Variants in THSD7A observed in about 807,000 individuals in gnomAD.
THSD7A encodes thrombospondin type-1 domain-containing protein 7A.
THSD7A carries 96 observed loss-of-function variants against 231.3 expected under a neutral mutation model. The observed-to-expected ratio is 0.41, with a 90% confidence interval of 0.35 to 0.49. The LOEUF is 0.49. Among genes scored for constraint, THSD7A ranks in the 20% least tolerant of loss-of-function variants. The pLI is 0.05. For synonymous variants in THSD7A, 940 were observed against 743.3 expected (o/e 1.26, Z -4.30); for missense variants, 2,290 against 2,070.2 (o/e 1.11, Z -2.06).
intron 13 of THSD7A, among the ~76,000 whole-genome samples, chr7:11,442,495 T>C (rs1441814146): frequency 6.6e-6 from 1 of 152,008 alleles, no homozygotes; most frequent in African/African-American, 2.4e-5. Context: ...TGTCTTTAAA[T>C]TGAAAGCTGG....
chr7:11,464,997 T>C (rs1355379721), intron 9 of THSD7A, among the ~76,000 whole-genome samples: 1 of 152,178 alleles, frequency 6.6e-6, no homozygotes, highest in Non-Finnish European at 1.5e-5. Flanking sequence ...AGTTTCATCA[T>C]TAATAACTTG....
intron 16 of THSD7A, among the ~76,000 whole-genome samples, chr7:11,418,549 C>T (rs926074168): frequency 3.9e-5 from 6 of 152,200 alleles, no homozygotes; most frequent in Admixed American, 1.3e-4. Flanking sequence ...AAGGCTTGAA[C>T]TCTCAAGTCT....
intron 11 of THSD7A, among the ~76,000 whole-genome samples, chr7:11,459,930 G>T (rs1270480811): frequency 1.3e-5 from 2 of 151,992 alleles, no homozygotes; most frequent in Admixed American, 1.3e-4. Context: ...CGCAGCAGGA[G>T]CTGTATGCTA....
chr7:11,571,259 G>A (rs1790616323), intron 4 of THSD7A, among the ~76,000 whole-genome samples: 1 of 152,210 alleles, frequency 6.6e-6, no homozygotes, highest in African/African-American at 2.4e-5. Flanking sequence ...AGGTTCCACA[G>A]ATCCTTGATT....
At chr7:11,692,229 G>C (rs941605786) in intron 1 of THSD7A, among the ~76,000 whole-genome samples, 2 of 151,494 alleles carry the variant, frequency 1.3e-5, no homozygotes, top group African/African-American at 2.4e-5. Context: ...TTTGGATTGG[G>C]CATAATTACA....
chr7:11,383,573 G>A (rs1302835802), intron 23 of THSD7A, among the ~76,000 whole-genome samples: 1 of 151,838 alleles, frequency 6.6e-6, no homozygotes, highest in Non-Finnish European at 1.5e-5. Context: ...CATAAAGACT[G>A]CCATTGCTCT....
intron 1 of THSD7A, among the ~76,000 whole-genome samples, chr7:11,750,240 T>G (rs1236412054): frequency 6.6e-6 from 1 of 151,874 alleles, no homozygotes; most frequent in African/African-American, 2.4e-5. Flanking sequence ...TTACTAATTA[T>G]TATTAATACT....
At position 11,593,608 on chromosome 7, in the gene THSD7A, A is replaced by G. The variant is rs924155631; in HGVS notation, c.1023-106T>C. On this transcript the variant is annotated intron_variant, in intron 2 of 27. Transcript: ENST00000423059. The stretch of plus-strand genomic sequence containing the variant: ...CTTGGGCATTTTTATTTCTACTTGG[A>G]GGTGTGATTCCAGTTTCATCGAAAA... The G allele has an allele frequency of 7.2e-6, 10 of 1,393,120 alleles. No homozygotes were observed. The African/African-American group carries it at 1.3e-4, about 18-fold the overall frequency. 86.3% of individuals were successfully genotyped at this position (1,393,120 alleles called of 1,614,324 possible). A position where few individuals can be genotyped will look rare whatever the true frequency, so the allele number is the denominator to read the frequency against.
intron 1 of THSD7A, among the ~76,000 whole-genome samples, chr7:11,681,732 G>A (rs1238798997): frequency 6.6e-6 from 1 of 151,866 alleles, no homozygotes; most frequent in Non-Finnish European, 1.5e-5. Context: ...CACTAGAAAT[G>A]TTGACATGCG....
At chr7:11,761,536 T>C (rs911696216) in intron 1 of THSD7A, among the ~76,000 whole-genome samples, 5 of 152,200 alleles carry the variant, frequency 3.3e-5, no homozygotes, top group African/African-American at 9.6e-5. Flanking sequence ...AATGCATACA[T>C]TGTGTGTGTA....
At chr7:11,419,370 C>T (rs371067637) in intron 16 of THSD7A, among the ~76,000 whole-genome samples, 11 of 151,996 alleles carry the variant, frequency 7.2e-5, no homozygotes, top group Non-Finnish European at 1.5e-4. Context: ...TAAAAGTGTG[C>T]GGCACTTCCC....
intron 2 of THSD7A, among the ~76,000 whole-genome samples, chr7:11,604,028 T>TA (rs555504174): frequency 0.012 from 1,651 of 138,248 alleles, 10 homozygotes; most frequent in Non-Finnish European, 0.017. Context: ...TAAAGTATAA[T>TA]AAAAAAAAAA....
At chr7:11,422,474 C>T (rs1035004303) in intron 16 of THSD7A, among the ~76,000 whole-genome samples, 3 of 151,834 alleles carry the variant, frequency 2.0e-5, no homozygotes, top group Admixed American at 6.6e-5. Flanking sequence ...GATTAGAGAT[C>T]GCAATCAATA....
chr7:11,728,273 T>G (rs1245329092), intron 1 of THSD7A, among the ~76,000 whole-genome samples: 2 of 152,020 alleles, frequency 1.3e-5, no homozygotes, highest in Non-Finnish European at 2.9e-5. Flanking sequence ...GTATATATAC[T>G]ATTCTGTAGG....
intron 1 of THSD7A, among the ~76,000 whole-genome samples, chr7:11,777,727 A>G (rs998287056): frequency 6.6e-6 from 1 of 152,172 alleles, no homozygotes; most frequent in Non-Finnish European, 1.5e-5. Flanking sequence ...CAGCAACTCC[A>G]TATTAAATTA....
chr7:11,517,926 G>A (rs1208534301), intron 6 of THSD7A, among the ~76,000 whole-genome samples: 1 of 152,216 alleles, frequency 6.6e-6, no homozygotes, highest in Non-Finnish European at 1.5e-5. Flanking sequence ...TGGGCAAGGA[G>A]TTGTGAGTGC....
At chr7:11,418,474 A>T (rs551116988) in intron 16 of THSD7A, among the ~76,000 whole-genome samples, 2 of 152,326 alleles carry the variant, frequency 1.3e-5, no homozygotes, top group South Asian at 2.1e-4. Flanking sequence ...CTCATGTGTA[A>T]CTTGGAAAAG....
chr7:11,506,172 T>A (rs984748977), intron 6 of THSD7A, among the ~76,000 whole-genome samples: 1 of 152,144 alleles, frequency 6.6e-6, no homozygotes, highest in Non-Finnish European at 1.5e-5. Context: ...TTTGTATTTT[T>A]AGCAGAGATG....
At chr7:11,817,703 A>G (rs1784748040) in intron 1 of THSD7A, among the ~76,000 whole-genome samples, 1 of 152,210 alleles carries the variant, frequency 6.6e-6, no homozygotes, top group African/African-American at 2.4e-5. Flanking sequence ...TACACTGTAG[A>G]TTTATCTCAA....
Sources: allele counts gnomAD v4.1 joint callset (sites outside exome capture counted in the v4.1 genomes callset), GRCh38; gene constraint gnomAD v4.1.1; transcripts MANE v1.5; gene names NCBI Gene and HGNC (gene_info 2026-07-23, HGNC 2026-07-21).